Variants in CACNA1E observed in about 807,000 individuals in gnomAD.
CACNA1E encodes the protein voltage-dependent R-type calcium channel subunit alpha-1E.
Under a neutral mutation model 259.2 loss-of-function variants are expected in CACNA1E, and 40 were observed. That is an observed-to-expected ratio of 0.15 (90% CI 0.12 to 0.20). The LOEUF (loss-of-function observed/expected upper bound fraction) is 0.20, where lower values mean the gene tolerates loss of function less well. Ranked by LOEUF, CACNA1E falls within the 10% of genes least tolerant of loss-of-function variation. CACNA1E has a pLI of 1.00. For synonymous variants in CACNA1E, 1,104 were observed against 1,138.5 expected, an observed-to-expected ratio of 0.97 and a Z score of 0.61; for missense variants, 1,874 against 3,040.1, an observed-to-expected ratio of 0.62 and a Z score of 9.02.
intron 2 of CACNA1E, among the ~76,000 whole-genome samples, chr1:181,414,120 C>G (rs1374661080): frequency 6.6e-6 from 1 of 152,178 alleles, no homozygotes; most frequent in Non-Finnish European, 1.5e-5. Flanking sequence ...AACTTTAATT[C>G]ACACCTGTTG....
At chr1:181,559,342 A>G (rs993882012) in intron 3 of CACNA1E, among the ~76,000 whole-genome samples, 1 of 152,222 alleles carries the variant, frequency 6.6e-6, no homozygotes, top group African/African-American at 2.4e-5. Context: ...GCAGAGTACC[A>G]GGTATGCAAG....
At chr1:181,459,152 G>A (rs1052701559) in intron 2 of CACNA1E, among the ~76,000 whole-genome samples, 11 of 152,264 alleles carry the variant, frequency 7.2e-5, no homozygotes, top group Admixed American at 3.9e-4. Context: ...CTGAAAGCCA[G>A]GAAGCAACCA....
intron 1 of CACNA1E, among the ~76,000 whole-genome samples, chr1:181,347,646 G>A (rs1464877685): frequency 6.6e-6 from 1 of 152,162 alleles, no homozygotes; most frequent in African/African-American, 2.4e-5. Context: ...TGTGACTCAG[G>A]CCTTTATTCA....
At chr1:181,377,575 C>T (rs1033416560) in intron 1 of CACNA1E, among the ~76,000 whole-genome samples, 7 of 152,106 alleles carry the variant, frequency 4.6e-5, no homozygotes, top group African/African-American at 1.7e-4. Context: ...AAATAATTAT[C>T]TTCTGGAGGA....
At chr1:181,754,747 A>G (rs1657934412) in intron 27 of CACNA1E, among the ~76,000 whole-genome samples, 1 of 152,260 alleles carries the variant, frequency 6.6e-6, no homozygotes, top group African/African-American at 2.4e-5. Flanking sequence ...ATGAACAAAG[A>G]TGATAGTGTA....
chr1:181,371,323 G>A (rs1356268338), intron 1 of CACNA1E, among the ~76,000 whole-genome samples: 1 of 152,072 alleles, frequency 6.6e-6, no homozygotes, highest in Non-Finnish European at 1.5e-5. Context: ...GTGCAATAGT[G>A]TGATCATAGG....
chr1:181,770,995 C>A (rs1659457511), intron 35 of CACNA1E, among the ~76,000 whole-genome samples: 2 of 152,126 alleles, frequency 1.3e-5, no homozygotes, highest in Admixed American at 6.5e-5. Context: ...ACTAAAAGAC[C>A]AGATTAGGTG....
At chr1:181,730,870 T>G (rs192085817) in intron 18 of CACNA1E, among the ~76,000 whole-genome samples, 3 of 152,238 alleles carry the variant, frequency 2.0e-5, no homozygotes, top group African/African-American at 7.2e-5. Flanking sequence ...AGGTGGAAGT[T>G]TGCGTGCCTG....
chr1:181,331,233 T>C (rs1012749126), intron 1 of CACNA1E, among the ~76,000 whole-genome samples: 8 of 152,074 alleles, frequency 5.3e-5, no homozygotes, highest in African/African-American at 1.7e-4. Context: ...GATAGATAGA[T>C]AGATAGACAA....
intron 3 of CACNA1E, among the ~76,000 whole-genome samples, chr1:181,557,092 T>C (rs992852950): frequency 6.6e-6 from 1 of 152,076 alleles, no homozygotes; most frequent in African/African-American, 2.4e-5. Context: ...TTGGGTGTCA[T>C]CTTGGGGAGC....
At chr1:181,496,164 T>A (rs1664734018) in intron 1 of CACNA1E, among the ~76,000 whole-genome samples, 1 of 152,230 alleles carries the variant, frequency 6.6e-6, no homozygotes. Flanking sequence ...TCAAAACCTG[T>A]TTCCTTTATA....
At chr1:181,547,301 G>A (rs748969930) in intron 3 of CACNA1E, among the ~76,000 whole-genome samples, 50 of 152,052 alleles carry the variant, frequency 3.3e-4, no homozygotes, top group African/African-American at 1.0e-3. Flanking sequence ...TCTGGCCACC[G>A]ATGCCACCCT....
At chr1:181,409,152 A>G (rs1470592106) in intron 1 of CACNA1E, among the ~76,000 whole-genome samples, 1 of 152,252 alleles carries the variant, frequency 6.6e-6, no homozygotes, top group African/African-American at 2.4e-5. Flanking sequence ...CTTTCATGCT[A>G]CAACAGCAGC....
intron 25 of CACNA1E, among the ~76,000 whole-genome samples, chr1:181,741,107 T>C (rs1013484084): frequency 6.6e-6 from 1 of 152,212 alleles, no homozygotes; most frequent in African/African-American, 2.4e-5. Context: ...TATTTTGATC[T>C]CTAAAAATCA....
rs1662157262 is a variant in CACNA1E, at chr1:181,799,983, C to T, written c.*1149C>T. On this transcript the variant is annotated 3_prime_UTR_variant, in exon 48 of 48. Coordinates refer to ENST00000367573, the MANE Select transcript of CACNA1E (RefSeq NM_001205293.3). ...CCGAGGCCCAGCCTTCCCTGCCACT[C>T]CTCTGAGAGGGCAGAACACACATAT... The T allele has an allele frequency of 1.3e-5, 2 of 152,442 alleles. No individual in the cohort carries two copies. The highest frequency in any genetic ancestry group is 4.8e-5 in the African/African-American group (2 of 41,458). The allele number at this position is 152,442 out of a possible 1,614,324, so 9.4% of individuals were successfully genotyped here. A position where few individuals can be genotyped will look rare whatever the true frequency, so the allele number is the denominator to read the frequency against.
intron 6 of CACNA1E, among the ~76,000 whole-genome samples, chr1:181,600,227 C>T (rs1653603925): frequency 6.6e-6 from 1 of 152,162 alleles, no homozygotes; most frequent in South Asian, 2.1e-4. Context: ...GAGTGTCCAA[C>T]AGGCCAGGGA....
chr1:181,635,486 C>CA (rs1657126220), intron 6 of CACNA1E, among the ~76,000 whole-genome samples: 1 of 152,120 alleles, frequency 6.6e-6, no homozygotes, highest in African/African-American at 2.4e-5. Flanking sequence ...CTCTCTCTCT[C>CA]TTTTTTTACT....
chr1:181,778,814 G>T (rs1660176028), intron 38 of CACNA1E, among the ~76,000 whole-genome samples: 1 of 152,152 alleles, frequency 6.6e-6, no homozygotes, highest in South Asian at 2.1e-4. Context: ...ACCTCAGCAG[G>T]CTCCTACTGA....
intron 2 of CACNA1E, among the ~76,000 whole-genome samples, chr1:181,433,303 G>A (rs932175467): frequency 6.6e-6 from 1 of 152,148 alleles, no homozygotes; most frequent in African/African-American, 2.4e-5. Context: ...TCTCTGTCCT[G>A]TGCTTTCCTG....
Sources: allele counts gnomAD v4.1 joint callset (sites outside exome capture counted in the v4.1 genomes callset), GRCh38; gene constraint gnomAD v4.1.1; transcripts MANE v1.5; gene names NCBI Gene and HGNC (gene_info 2026-07-23, HGNC 2026-07-21).